The following KIF2C variants were observed in gnomAD, a reference collection of about 807,000 sequenced individuals.
KIF2C encodes the protein kinesin-like protein KIF2C.
KIF2C carries 34 observed loss-of-function variants against 97.4 expected under a neutral mutation model. The ratio of observed to expected loss-of-function variants is 0.35; its 90% CI spans 0.27 to 0.46. The LOEUF is 0.46. Ranked by LOEUF, KIF2C falls within the 20% of genes least tolerant of loss-of-function variation. The pLI is 1.00. For synonymous variants in KIF2C, 313 were observed against 318.2 expected, an observed-to-expected ratio of 0.98 and a Z score of 0.17; for missense variants, 750 against 907.6, an observed-to-expected ratio of 0.83 and a Z score of 2.23.
chr1:44,759,374 G>C (rs968708770), intron 14 of KIF2C, 26 bp downstream of exon 14: 7 of 1,613,114 alleles, frequency 4.3e-6, no homozygotes, highest in African/African-American at 2.7e-5. Context: ...AGGGGAAGGA[G>C]CGACCTTCTC....
intron 10 of KIF2C, among the ~76,000 whole-genome samples, chr1:44,756,575 G>C (rs574684125): frequency 5.1e-5 from 7 of 137,118 alleles, no homozygotes; most frequent in Non-Finnish European, 1.1e-4. Context: ...TTTTTGAGAC[G>C]GAGTTTTGCT....
Position 44,757,895 on chromosome 1 carries a change from C to G in KIF2C, c.1069-13C>G, listed in dbSNP as rs1040881245. 1.9e-6 allele frequency: 3 copies of G among 1,613,614 alleles called. No homozygotes were observed. In the African/African-American group the frequency reaches 4.0e-5, roughly 22 times the overall value. On this transcript the variant is annotated splice_polypyrimidine_tract_variant and intron_variant, in intron 11 of 20. Coordinates refer to ENST00000372224, the MANE Select transcript of KIF2C (RefSeq NM_006845.4). ...AGCCCTTTTCCATGGTCTTCTACCC[C>G]TTCCCTTTGCAGACTATGGGCGGAG...
chr1:44,755,318 T>C (rs1027562987), intron 8 of KIF2C, among the ~76,000 whole-genome samples: 1 of 152,098 alleles, frequency 6.6e-6, no homozygotes, highest in Non-Finnish European at 1.5e-5. Context: ...CAGGCTGGAG[T>C]GCAATGGCAT....
At chr1:44,753,584 C>T (rs1435594070) in intron 6 of KIF2C, 149 bp from the exon 7 acceptor site, 2 of 597,614 alleles carry the variant, frequency 3.3e-6, no homozygotes, top group Non-Finnish European at 2.9e-6. Context: ...CTTCTTTTTG[C>T]ATATAGTGAT....
chr1:44,749,350 T>A (rs1460179303), intron 4 of KIF2C, among the ~76,000 whole-genome samples: 1 of 151,948 alleles, frequency 6.6e-6, no homozygotes, highest in Non-Finnish European at 1.5e-5. Context: ...AGGAGAATCG[T>A]TTGAGCCCGG....
intron 4 of KIF2C, among the ~76,000 whole-genome samples, chr1:44,747,986 C>T (rs1319766669): frequency 6.6e-6 from 1 of 152,234 alleles, no homozygotes; most frequent in Non-Finnish European, 1.5e-5. Flanking sequence ...ATTGGTAGGC[C>T]TTTTTTCTTC....
In KIF2C at chr1:44,767,500, T is replaced by C. The variant is rs1159795069; in HGVS notation, c.*321T>C. 1 of 283,862 alleles carries C rather than the reference T, an allele frequency of 3.5e-6. No individual in the cohort carries two copies. The highest frequency in any genetic ancestry group is 4.8e-5 in the Admixed American group (1 of 20,714). The allele number at this position is 283,862 out of a possible 1,614,324, so 17.6% of individuals were successfully genotyped here. ...CAGCATCCTGCCTGCGTGGACTGGC[T>C]GCTAATGGAGAGCTCCCTGGGGTTG... is the stretch of plus-strand genomic sequence containing the variant. On this transcript the variant is annotated 3_prime_UTR_variant, in exon 21 of 21. Coordinates refer to ENST00000372224, the MANE Select transcript of KIF2C (RefSeq NM_006845.4).
chr1:44,764,418 C>T (rs1193645497), intron 19 of KIF2C, among the ~76,000 whole-genome samples: 1 of 152,060 alleles, frequency 6.6e-6, no homozygotes. Context: ...CTTAAGTGAT[C>T]CGCCTGCCTC....
At position 44,760,879 on chromosome 1, in the gene KIF2C, A is replaced by G; in HGVS notation, c.1683+177A>G. On this transcript the variant is annotated intron_variant, in intron 16 of 20. Transcript: ENST00000372224. The surrounding 1 kb of genome is among the most constrained non-coding windows in gnomAD (Gnocchi z 4.2). The stretch of plus-strand genomic sequence containing the variant: ...TAATGCACGAGACTCCTTGTGGCCT[A>G]ACCAAGCGTGGAGGAAAGGATCTAT... 1 of 600,972 alleles carries G rather than the reference A, an allele frequency of 1.7e-6. No homozygotes were observed. The allele number at this position is 600,972 out of a possible 1,614,324, so 37.2% of individuals were successfully genotyped here.
chr1:44,746,825 G>C (rs1649220397), intron 2 of KIF2C: 3 of 1,497,584 alleles, frequency 2.0e-6, no homozygotes, highest in South Asian at 1.2e-5. Flanking sequence ...ACTTAAAGTT[G>C]GTAAAGTTTG....
At position 44,760,989 on chromosome 1, in the gene KIF2C, G is replaced by A. The variant is rs565291425; in HGVS notation, c.1683+287G>A. ...GATGAAAAGGGGGTTCCAGAATTCG[G>A]AAGATGGGCCTTTGGGTCAGCAGGA... On this transcript the variant is annotated intron_variant, in intron 16 of 20. Transcript: ENST00000372224. This position sits in a 1 kb window ranked among gnomAD's most constrained non-coding sequence, Gnocchi z 4.2. The A allele has an allele frequency of 3.1e-5, 11 of 356,060 alleles. No individual in the cohort carries two copies. In the South Asian group the frequency reaches 3.4e-4, roughly 11 times the overall value. 22.1% of individuals were successfully genotyped at this position (356,060 alleles called of 1,614,324 possible). A position where few individuals can be genotyped will look rare whatever the true frequency, so the allele number is the denominator to read the frequency against.
At position 44,757,570 on chromosome 1, in the gene KIF2C, C is replaced by T. The variant is rs1379983325; in HGVS notation, c.992C>T (p.Pro331Leu). Reference protein sequence around the residue: ...NEVVYRFTARPLVQTIFEGGK... With the variant: ...NEVVYRFTARLLVQTIFEGGK... Reference sequence around the variant, plus strand: ...CCCTCTTCTAGGTTCACAGCAAGGCCACTGGTACAGACAATCTTTGAAGGT... The same window carrying T: ...CCCTCTTCTAGGTTCACAGCAAGGCTACTGGTACAGACAATCTTTGAAGGT... Residue 331 changes from proline (P) to leucine (L), a missense_variant, in exon 11 of 21, where the codon CCA becomes CTA. Physicochemically the swap from Pro to Leu is moderately conservative, Grantham distance 98. Coordinates refer to ENST00000372224, the MANE Select transcript of KIF2C (RefSeq NM_006845.4). 6.2e-7 allele frequency: 1 copy of T among 1,612,284 alleles called. No homozygotes were observed. The highest frequency in any genetic ancestry group is 1.7e-5 in the Admixed American group (1 of 60,006).
intron 5 of KIF2C, among the ~76,000 whole-genome samples, chr1:44,751,640 G>C (rs757546000): frequency 4.3e-4 from 63 of 147,600 alleles, no homozygotes; most frequent in Admixed American, 1.0e-3. Flanking sequence ...TCCCGAGTAG[G>C]TGAGATTACA....
At chr1:44,758,550 G>A (rs187978699) in intron 13 of KIF2C, among the ~76,000 whole-genome samples, 1 of 152,160 alleles carries the variant, frequency 6.6e-6, no homozygotes, top group African/African-American at 2.4e-5. Flanking sequence ...GTGGGATCTA[G>A]ATAATAAAAA....
At chr1:44,746,497 A>T in intron 2 of KIF2C, 1 of 1,262,716 alleles carries the variant, frequency 7.9e-7, no homozygotes, top group East Asian at 3.2e-5. Context: ...GCCCCTGCCC[A>T]TAAGATCCTA....
chr1:44,741,379 C>CAAAA (rs764626810), intron 2 of KIF2C, among the ~76,000 whole-genome samples: 2 of 58,490 alleles, frequency 3.4e-5, no homozygotes, highest in African/African-American at 1.3e-4. Flanking sequence ...GAATCTGTCT[C>CAAAA]AAAAAAAAAA....
rs1650107840 is a variant in KIF2C, at chr1:44,760,934, G to T, written c.1683+232G>T. Reference sequence around the variant, plus strand: ...TTTAAGATGTGTAGGTGCAGCTCTTGGTTTGGGAGAGGTCATTCCTGCATT... The same window carrying T: ...TTTAAGATGTGTAGGTGCAGCTCTTTGTTTGGGAGAGGTCATTCCTGCATT... On this transcript the variant is annotated intron_variant, in intron 16 of 20. Coordinates refer to ENST00000372224, the MANE Select transcript of KIF2C (RefSeq NM_006845.4). The surrounding 1 kb of genome is among the most constrained non-coding windows in gnomAD (Gnocchi z 4.2). 1 of 503,914 alleles carries T rather than the reference G, an allele frequency of 2.0e-6. No individual in the cohort carries two copies. The highest frequency in any genetic ancestry group is 3.6e-6 in the Non-Finnish European group (1 of 277,660). The allele number at this position is 503,914 out of a possible 1,614,324, so 31.2% of individuals were successfully genotyped here. A position where few individuals can be genotyped will look rare whatever the true frequency, so the allele number is the denominator to read the frequency against.
chr1:44,758,859 C>T (rs112262637), intron 13 of KIF2C, among the ~76,000 whole-genome samples: 23 of 151,932 alleles, frequency 1.5e-4, no homozygotes, highest in African/African-American at 4.6e-4. Context: ...CTGGGCGATA[C>T]GAGCGAAACT....
intron 2 of KIF2C, among the ~76,000 whole-genome samples, chr1:44,742,450 G>T (rs917802181): frequency 6.7e-6 from 1 of 150,216 alleles, no homozygotes; most frequent in Non-Finnish European, 1.5e-5. Context: ...AGGCGCAGTG[G>T]CTCATGCCTG....
Sources: gnomAD v4.1 joint callset for allele counts (sites outside exome capture counted in the v4.1 genomes callset) on GRCh38, gnomAD v4.1.1 for gene constraint, Gnocchi (gnomAD v3.1) non-coding constraint, MANE v1.5 for transcripts, NCBI Gene and HGNC (gene_info 2026-07-23, HGNC 2026-07-21) for gene names.